AKAP19: variants seen among roughly 807,000 people sequenced by gnomAD.
The protein encoded by AKAP19 is small A-kinase anchoring protein.
At chr2:189,994,878 C>T in the AKAP19 span, among the ~76,000 whole-genome samples, 2 of 152,122 alleles carry the variant, frequency 1.3e-5, no homozygotes, top group Admixed American at 1.3e-4. Context: ...GGATTACAGG[C>T]GTGAGCCACC....
the AKAP19 span, chr2:190,089,434 T>A: frequency 2.0e-5 from 3 of 152,108 alleles, no homozygotes; most frequent in African/African-American, 7.2e-5. Flanking sequence ...AACACAAAAT[T>A]CAGTCCTATC....
the AKAP19 span, among the ~76,000 whole-genome samples, chr2:190,073,398 A>G: frequency 6.6e-6 from 1 of 152,190 alleles, no homozygotes; most frequent in Non-Finnish European, 1.5e-5. Context: ...TAAGAATAGA[A>G]TAGAGTGCAT....
the AKAP19 span, among the ~76,000 whole-genome samples, chr2:189,960,168 C>T: frequency 6.6e-6 from 1 of 152,024 alleles, no homozygotes; most frequent in East Asian, 1.9e-4. Flanking sequence ...GATTGAACAC[C>T]GGCTGTTAGG....
At chr2:190,087,204 T>C in the AKAP19 span, among the ~76,000 whole-genome samples, 1 of 152,228 alleles carries the variant, frequency 6.6e-6, no homozygotes, top group Non-Finnish European at 1.5e-5. Flanking sequence ...ACATAAGTTG[T>C]CAATAGATTA....
the AKAP19 span, among the ~76,000 whole-genome samples, chr2:190,130,771 A>G: frequency 1.3e-5 from 2 of 152,224 alleles, no homozygotes; most frequent in African/African-American, 4.8e-5. Flanking sequence ...ACAGCGGTAG[A>G]TCAACAGAGA....
At chr2:189,956,157 T>C in the AKAP19 span, among the ~76,000 whole-genome samples, 1 of 112,050 alleles carries the variant, frequency 8.9e-6, no homozygotes, top group East Asian at 2.5e-4. Flanking sequence ...TTATTTTTAC[T>C]AGTATATTTT....
the AKAP19 span, among the ~76,000 whole-genome samples, chr2:189,953,634 C>CAAAAAAAA: frequency 2.7e-5 from 2 of 72,814 alleles, no homozygotes; most frequent in African/African-American, 5.7e-5. Flanking sequence ...AACTCCATCT[C>CAAAAAAAA]AAAAAAAAAA....
chr2:189,938,914 C>A, the AKAP19 span, among the ~76,000 whole-genome samples: 2 of 152,222 alleles, frequency 1.3e-5, no homozygotes, highest in African/African-American at 4.8e-5. Context: ...ATCTTCAGTG[C>A]CCTTCCCCAC....
the AKAP19 span, among the ~76,000 whole-genome samples, chr2:190,043,076 A>C: frequency 6.6e-6 from 1 of 152,142 alleles, no homozygotes; most frequent in East Asian, 1.9e-4. Flanking sequence ...TAGCTTGATC[A>C]GGTTCCCTTT....
chr2:190,093,732 T>A, the AKAP19 span, among the ~76,000 whole-genome samples: 1 of 152,222 alleles, frequency 6.6e-6, no homozygotes, highest in Non-Finnish European at 1.5e-5. Context: ...GGAATATGAC[T>A]TCTGCAATGT....
chr2:190,143,072 G>C, the AKAP19 span, among the ~76,000 whole-genome samples: 886 of 152,126 alleles, frequency 5.8e-3, 5 homozygotes, highest in African/African-American at 0.02. Flanking sequence ...GATTTAGTAT[G>C]TTAATGACCA....
chr2:189,922,345 T>C, the AKAP19 span, among the ~76,000 whole-genome samples: 1 of 152,226 alleles, frequency 6.6e-6, no homozygotes, highest in African/African-American at 2.4e-5. Context: ...GGCTACTGCT[T>C]GCAGAATACA....
the AKAP19 span, among the ~76,000 whole-genome samples, chr2:190,123,103 A>C: frequency 7.3e-3 from 1,106 of 152,134 alleles, 6 homozygotes; most frequent in African/African-American, 0.02. Flanking sequence ...TGAGCCCCCC[A>C]CACACACACT....
the AKAP19 span, among the ~76,000 whole-genome samples, chr2:190,134,376 GATTAA>G: frequency 6.6e-6 from 1 of 152,016 alleles, no homozygotes; most frequent in African/African-American, 2.4e-5. Context: ...ATTGAGAAAG[GATTAA>G]CATAGAACTG....
the AKAP19 span, among the ~76,000 whole-genome samples, chr2:190,023,213 ATAAACACAT>A: frequency 6.6e-6 from 1 of 152,136 alleles, no homozygotes; most frequent in Non-Finnish European, 1.5e-5. Flanking sequence ...ATGTGTTTTT[ATAAACACAT>A]TAAACACAAT....
chr2:190,066,311 C>CA, the AKAP19 span, among the ~76,000 whole-genome samples: 27 of 150,448 alleles, frequency 1.8e-4, no homozygotes, highest in South Asian at 8.4e-4. Flanking sequence ...CAATATTTTC[C>CA]AAAAAAAAAT....
the AKAP19 span, among the ~76,000 whole-genome samples, chr2:190,017,213 CTTAT>C: frequency 6.6e-6 from 1 of 151,946 alleles, no homozygotes; most frequent in Non-Finnish European, 1.5e-5. Flanking sequence ...ATAATTGGGT[CTTAT>C]TTATTTATCC....
chr2:189,890,907 C>G, the AKAP19 span, among the ~76,000 whole-genome samples: 2 of 152,080 alleles, frequency 1.3e-5, no homozygotes, highest in African/African-American at 4.8e-5. Context: ...GGGCATTTAG[C>G]CCATTTACAT....
chr2:190,178,027 C>G, the AKAP19 span, among the ~76,000 whole-genome samples: 1 of 152,186 alleles, frequency 6.6e-6, no homozygotes, highest in African/African-American at 2.4e-5. The surrounding 1 kb of genome is among the most constrained non-coding windows in gnomAD (Gnocchi z 6.3). Context: ...ACCCCTTTCA[C>G]TTCATTCCCC....
Sources: gnomAD v4.1 joint callset for allele counts (sites outside exome capture counted in the v4.1 genomes callset) on GRCh38, gnomAD v4.1.1 for gene constraint, Gnocchi (gnomAD v3.1) non-coding constraint, MANE v1.5 for transcripts, NCBI Gene and HGNC (gene_info 2026-07-23, HGNC 2026-07-21) for gene names.